Variants in TSPAN15 observed in about 807,000 individuals in gnomAD.
The protein encoded by TSPAN15 is tetraspanin 15.
Under a neutral mutation model 34.5 loss-of-function variants are expected in TSPAN15, and 20 were observed. The observed-to-expected ratio is 0.58, with a 90% CI of 0.41 to 0.84. TSPAN15 has a LOEUF of 0.84. Among genes scored for constraint, TSPAN15 ranks in the 40% least tolerant of loss-of-function variants. TSPAN15 has a pLI of 0.00. For missense variants in TSPAN15, 313 were observed against 386.1 expected (o/e 0.81, Z 1.59); for synonymous variants, 155 against 153.9 (o/e 1.01, Z -0.05).
chr10:69,542,068 A>G, the TSPAN15 span, among the ~76,000 whole-genome samples: 39 of 152,260 alleles, frequency 2.6e-4, no homozygotes, highest in Middle Eastern at 6.8e-3. Flanking sequence ...CTAAACTTTT[A>G]TGCTCTGCTT....
In TSPAN15 at chr10:69,465,402, C is replaced by T. The variant is rs867950462; in HGVS notation, c.96+13712C>T. The stretch of plus-strand genomic sequence containing the variant: ...CTTCTCCACTGTGGTCTTCTGGTGC[C>T]GGCCTCACATGGAATGAAACTTGAC... On this transcript the variant is annotated intron_variant, in intron 1 of 7. Coordinates refer to ENST00000373290, the MANE Select transcript of TSPAN15 (RefSeq NM_012339.5). Among the ~76,000 whole-genome samples, 7 of 152,334 alleles carry T rather than the reference C, an allele frequency of 4.6e-5. No individual in the cohort carries two copies. In the South Asian group the frequency reaches 1.2e-3, roughly 27 times the overall value.
At chr10:69,547,124 C>A in the TSPAN15 span, among the ~76,000 whole-genome samples, 5 of 152,004 alleles carry the variant, frequency 3.3e-5, no homozygotes, top group African/African-American at 4.8e-5. Flanking sequence ...ATCTCTTGAA[C>A]CTAGAAGATG....
chr10:69,498,852 G>T (rs756374969), intron 5 of TSPAN15, among the ~76,000 whole-genome samples: 2 of 152,206 alleles, frequency 1.3e-5, no homozygotes, highest in Non-Finnish European at 2.9e-5. Flanking sequence ...TGCAGGCCAG[G>T]TGAGGGCAGG....
chr10:69,538,459 C>G, the TSPAN15 span, among the ~76,000 whole-genome samples: 3 of 152,218 alleles, frequency 2.0e-5, no homozygotes, highest in Non-Finnish European at 4.4e-5. Flanking sequence ...TGGAGCAAGA[C>G]CCCTGGGTGT....
At chr10:69,454,115 CT>C (rs1841032223) in intron 1 of TSPAN15, among the ~76,000 whole-genome samples, 1 of 152,234 alleles carries the variant, frequency 6.6e-6, no homozygotes, top group Non-Finnish European at 1.5e-5. Context: ...GGGTTACTTG[CT>C]TTGTAAGTCC....
chr10:69,530,820 CTATATATATATATATATATATATATATA>C, the TSPAN15 span, among the ~76,000 whole-genome samples: 2 of 30,776 alleles, frequency 6.5e-5, no homozygotes, highest in African/African-American at 2.3e-4. Flanking sequence ...CTCTCTCTCT[CTATATATATATATATATATATATATATA>C]TATATATATA....
intron 1 of TSPAN15, among the ~76,000 whole-genome samples, chr10:69,455,948 A>AC (rs765062081): frequency 3.2e-4 from 49 of 152,058 alleles, no homozygotes; most frequent in Non-Finnish European, 6.2e-4. Flanking sequence ...GTGGGTGATC[A>AC]CCACTGGATT....
intron 1 of TSPAN15, among the ~76,000 whole-genome samples, chr10:69,452,233 C>T (rs1056650697): frequency 6.6e-6 from 1 of 152,224 alleles, no homozygotes; most frequent in South Asian, 2.1e-4. Context: ...GACGACGTCT[C>T]CTGCACACCT....
chr10:69,513,315 C>T, the TSPAN15 span, among the ~76,000 whole-genome samples: 420 of 152,178 alleles, frequency 2.8e-3, no homozygotes, highest in African/African-American at 9.2e-3. Flanking sequence ...ATGCTGGATA[C>T]GGGTCCTTGA....
intron 1 of TSPAN15, among the ~76,000 whole-genome samples, chr10:69,463,759 G>A (rs1443972143): frequency 1.3e-5 from 2 of 148,158 alleles, no homozygotes; most frequent in Admixed American, 6.9e-5. Flanking sequence ...GCAGTGAGCC[G>A]AGATGGCGCT....
intron 1 of TSPAN15, among the ~76,000 whole-genome samples, chr10:69,454,043 A>G (rs1046741199): frequency 3.3e-5 from 5 of 152,196 alleles, no homozygotes; most frequent in African/African-American, 1.2e-4. Context: ...TTTGGAAACC[A>G]TTTACAGGAA....
the TSPAN15 span, among the ~76,000 whole-genome samples, chr10:69,544,075 C>G: frequency 2.0e-5 from 3 of 152,176 alleles, no homozygotes; most frequent in South Asian, 4.1e-4. Flanking sequence ...AATCAGGCTT[C>G]CTCCCTGTGG....
In TSPAN15 at chr10:69,503,906, A is replaced by T. The variant is rs552352372; in HGVS notation, c.571-532A>T. ...TCAGTAGTCGGGAGTTCTGGAGAGC[A>T]CCTCTCTTCCCAAGAAGGAAGTTTT... On this transcript the variant is annotated intron_variant, in intron 5 of 7. Transcript: ENST00000373290. 1.1e-4 allele frequency among the ~76,000 whole-genome samples: 17 copies of T among 151,930 alleles called. No homozygotes were observed. In the South Asian group the frequency reaches 3.5e-3, roughly 32 times the overall value.
intron 1 of TSPAN15, among the ~76,000 whole-genome samples, chr10:69,462,960 G>A (rs964096015): frequency 3.3e-5 from 5 of 152,326 alleles, no homozygotes; most frequent in Admixed American, 1.3e-4. Context: ...GAGGTATGTG[G>A]AGACCACTGG....
At chr10:69,512,886 G>T in the TSPAN15 span, among the ~76,000 whole-genome samples, 25 of 152,196 alleles carry the variant, frequency 1.6e-4, no homozygotes, top group Non-Finnish European at 3.1e-4. Flanking sequence ...AAATAAAGCT[G>T]CTATGAATAC....
intron 3 of TSPAN15, chr10:69,494,711 C>T (rs1842041105): frequency 1.0e-6 from 1 of 985,232 alleles, no homozygotes; most frequent in African/African-American, 1.7e-5. Flanking sequence ...GTGGTGCCAC[C>T]CCCGGGAATT....
At chr10:69,486,278 G>C (rs959009608) in intron 3 of TSPAN15, among the ~76,000 whole-genome samples, 1 of 152,148 alleles carries the variant, frequency 6.6e-6, no homozygotes, top group African/African-American at 2.4e-5. Context: ...CCATAGGTGG[G>C]GCTTGAGGAG....
intron 1 of TSPAN15, among the ~76,000 whole-genome samples, chr10:69,479,279 G>C (rs1841681003): frequency 6.6e-6 from 1 of 152,246 alleles, no homozygotes; most frequent in African/African-American, 2.4e-5. Flanking sequence ...ACAGGTGCTG[G>C]AATGCCTCAC....
At position 69,507,420 on chromosome 10, in the gene TSPAN15, C is replaced by T; in HGVS notation, c.*442C>T. ...GGGAAGGGCAGGAGGGAAGAGCTGTCCATGCAGCCACGCCCATGGCCAGGT... is the reference window on the plus strand; with the variant it reads ...GGGAAGGGCAGGAGGGAAGAGCTGTTCATGCAGCCACGCCCATGGCCAGGT... On this transcript the variant is annotated 3_prime_UTR_variant, in exon 8 of 8. Coordinates refer to ENST00000373290, the MANE Select transcript of TSPAN15 (RefSeq NM_012339.5). The T allele has an allele frequency of 7.9e-7, 1 of 1,266,142 alleles. No individual in the cohort carries two copies. Among genetic ancestry groups the T allele is most frequent in the Non-Finnish European group, 1.0e-6 (1 of 976,266 alleles). 78.4% of individuals were successfully genotyped at this position (1,266,142 alleles called of 1,614,324 possible). A position where few individuals can be genotyped will look rare whatever the true frequency, so the allele number is the denominator to read the frequency against.
Sources: gnomAD v4.1 joint callset for allele counts (sites outside exome capture counted in the v4.1 genomes callset) on GRCh38, gnomAD v4.1.1 for gene constraint, MANE v1.5 for transcripts, NCBI Gene and HGNC (gene_info 2026-07-23, HGNC 2026-07-21) for gene names.